LOC400499: variants seen among roughly 807,000 people sequenced by gnomAD.
At chr16:11,412,675 G>A in the LOC400499 span, among the ~76,000 whole-genome samples, 1 of 152,244 alleles carries the variant, frequency 6.6e-6, no homozygotes, top group Non-Finnish European at 1.5e-5. Context: ...TTTTATAGCT[G>A]TGTGACCTTG....
the LOC400499 span, among the ~76,000 whole-genome samples, chr16:11,401,573 T>G: frequency 2.6e-5 from 4 of 152,176 alleles, no homozygotes; most frequent in Non-Finnish European, 4.4e-5. Flanking sequence ...TCAGTCCATT[T>G]CACAGAGGAG....
chr16:11,501,130 T>C, the LOC400499 span, among the ~76,000 whole-genome samples: 1 of 152,086 alleles, frequency 6.6e-6, no homozygotes, highest in African/African-American at 2.4e-5. Flanking sequence ...GCAGTCTGGC[T>C]GAGGCCCGTG....
chr16:11,401,477 C>A, the LOC400499 span: 1 of 399,272 alleles, frequency 2.5e-6, no homozygotes, highest in Non-Finnish European at 4.4e-6. Flanking sequence ...CCCGCACAGA[C>A]CACCTTCTCC....
At chr16:11,459,291 G>C in the LOC400499 span, among the ~76,000 whole-genome samples, 4 of 150,258 alleles carry the variant, frequency 2.7e-5, no homozygotes, top group Admixed American at 2.6e-4. Flanking sequence ...CCGCCTCTGG[G>C]GTTCAAGCCA....
the LOC400499 span, chr16:11,522,066 A>G: frequency 5.0e-6 from 2 of 399,134 alleles, no homozygotes; most frequent in East Asian, 7.1e-5. Flanking sequence ...TGGTGGAAAA[A>G]TGATAGGTGT....
the LOC400499 span, among the ~76,000 whole-genome samples, chr16:11,455,175 C>T: frequency 6.6e-6 from 1 of 152,070 alleles, no homozygotes; most frequent in Non-Finnish European, 1.5e-5. Context: ...TATATCTCAG[C>T]TATGTAAGAC....
the LOC400499 span, chr16:11,396,379 G>A: frequency 3.5e-6 from 3 of 867,352 alleles, no homozygotes; most frequent in Admixed American, 8.6e-5. Flanking sequence ...CAGAATGCTG[G>A]TTTGCAGTTC....
chr16:11,393,461 T>G, the LOC400499 span: 5 of 1,232,244 alleles, frequency 4.1e-6, no homozygotes, highest in East Asian at 1.3e-4. Flanking sequence ...CTTTCTCCTC[T>G]CTGTTGTCCA....
chr16:11,450,095 GC>G, the LOC400499 span, among the ~76,000 whole-genome samples: 1 of 152,262 alleles, frequency 6.6e-6, no homozygotes, highest in Non-Finnish European at 1.5e-5. Flanking sequence ...CCTCGGATGA[GC>G]CCAATCAAGG....
At chr16:11,395,120 G>A in the LOC400499 span, among the ~76,000 whole-genome samples, 3 of 152,338 alleles carry the variant, frequency 2.0e-5, no homozygotes, top group Non-Finnish European at 1.5e-5. Flanking sequence ...AGACCACACG[G>A]AGTTGGCCCT....
the LOC400499 span, among the ~76,000 whole-genome samples, chr16:11,458,968 C>T: frequency 1.3e-5 from 2 of 151,468 alleles, no homozygotes; most frequent in Non-Finnish European, 2.9e-5. Context: ...ACCCAGGAGG[C>T]GGAGGTTGCA....
chr16:11,441,042 A>C, the LOC400499 span: 10 of 398,920 alleles, frequency 2.5e-5, no homozygotes, highest in South Asian at 8.9e-4. Flanking sequence ...TTTCCGGTGG[A>C]CTTTCAAAGT....
chr16:11,385,261 G>C, the LOC400499 span: 2 of 1,232,330 alleles, frequency 1.6e-6, no homozygotes, highest in Non-Finnish European at 2.0e-6. Flanking sequence ...TCCACGAACA[G>C]GGCTGTGAGC....
chr16:11,410,923 G>C, the LOC400499 span, among the ~76,000 whole-genome samples: 1 of 152,260 alleles, frequency 6.6e-6, no homozygotes, highest in Admixed American at 6.5e-5. Flanking sequence ...CCAAAGGGCT[G>C]TGTCATCTGC....
chr16:11,413,652 A>C, the LOC400499 span, among the ~76,000 whole-genome samples: 1 of 152,166 alleles, frequency 6.6e-6, no homozygotes, highest in Non-Finnish European at 1.5e-5. Context: ...TGGGCAAGTC[A>C]CCCACACTCT....
chr16:11,389,976 C>T, the LOC400499 span: 11 of 502,262 alleles, frequency 2.2e-5, no homozygotes, highest in African/African-American at 9.9e-5. Context: ...ATCTGTAAAA[C>T]GAGGAGAGAA....
At chr16:11,466,148 T>C in the LOC400499 span, among the ~76,000 whole-genome samples, 33 of 152,190 alleles carry the variant, frequency 2.2e-4, no homozygotes, top group African/African-American at 7.7e-4. Flanking sequence ...AGTGGATATA[T>C]TAACTCCATG....
the LOC400499 span, among the ~76,000 whole-genome samples, chr16:11,375,905 T>C: frequency 6.6e-6 from 1 of 152,086 alleles, no homozygotes; most frequent in African/African-American, 2.4e-5. Flanking sequence ...AATTTTGTAT[T>C]TTTAGTAGAG....
the LOC400499 span, chr16:11,411,191 C>A: frequency 2.5e-6 from 1 of 399,242 alleles, no homozygotes; most frequent in East Asian, 3.6e-5. Context: ...CCCCCTCCTG[C>A]CTCGGGCTGG....
Sources: gnomAD v4.1 joint callset for allele counts (sites outside exome capture counted in the v4.1 genomes callset) on GRCh38, gnomAD v4.1.1 for gene constraint, MANE v1.5 for transcripts.